DMD: variants seen among roughly 807,000 people sequenced by gnomAD.
The protein encoded by DMD is mutant dystrophin.
DMD carries 63 observed loss-of-function variants against 330.1 expected under a neutral mutation model. That is an observed-to-expected ratio of 0.19 (90% CI 0.16 to 0.24). DMD has a LOEUF of 0.24. Ranked by LOEUF, DMD falls within the 10% of genes least tolerant of loss-of-function variation. DMD has a pLI of 1.00. For synonymous variants in DMD, 1,223 were observed against 959.8 expected (o/e 1.27, Z -5.07); for missense variants, 3,344 against 2,684.1 (o/e 1.25, Z -5.43).
chrX:32,791,941 C>T (rs976851226), intron 7 of DMD, among the ~76,000 whole-genome samples: 2 of 111,567 alleles, frequency 1.8e-5, no homozygotes, highest in Non-Finnish European at 3.8e-5. Flanking sequence ...ACATTATAGC[C>T]AAACTCTCAA....
At chrX:33,264,559 G>A (rs1174795643) in intron 1 of DMD, among the ~76,000 whole-genome samples, 1 of 111,115 alleles carries the variant, frequency 9.0e-6, no homozygotes, top group Non-Finnish European at 1.9e-5. Flanking sequence ...CCTAGGATTA[G>A]AATGTTAAGC....
At chrX:33,267,449 C>T (rs2148909567) in intron 1 of DMD, among the ~76,000 whole-genome samples, 1 of 111,006 alleles carries the variant, frequency 9.0e-6, no homozygotes, top group South Asian at 3.7e-4. Flanking sequence ...AGATTCAATG[C>T]TGTCCTTATC....
chrX:32,180,591 G>A (rs1362248821), intron 44 of DMD, among the ~76,000 whole-genome samples: 2 of 111,141 alleles, frequency 1.8e-5, no homozygotes, highest in African/African-American at 6.5e-5. Flanking sequence ...TGAGAGACAC[G>A]TCTCTATTAG....
intron 7 of DMD, among the ~76,000 whole-genome samples, chrX:32,763,151 CTT>C (rs1446885279): frequency 1.8e-5 from 2 of 111,541 alleles, no homozygotes; most frequent in East Asian, 5.6e-4. Flanking sequence ...AGAAATGACT[CTT>C]GACATCTTTG....
At position 33,254,480 on chromosome X, in the gene DMD, T is replaced by C. The variant is rs2052822965; in HGVS notation, c.7+84779A>G. Reference sequence around the variant, plus strand: ...TTTTGAATGTGTCTTAGAAAAAAAATTTTCACTTGCGACCTTAGGCTTTTC... The same window carrying C: ...TTTTGAATGTGTCTTAGAAAAAAAACTTTCACTTGCGACCTTAGGCTTTTC... On this transcript the variant is annotated intron_variant, in intron 1 of 17. Coordinates refer to the DMD transcript ENST00000288447. Among the ~76,000 whole-genome samples the C allele has an allele frequency of 3.6e-5, 4 of 110,288 alleles. No homozygotes were observed. The Admixed American group carries it at 3.9e-4, about 11-fold the overall frequency.
intron 45 of DMD, among the ~76,000 whole-genome samples, chrX:31,938,272 C>T (rs1327539251): frequency 9.0e-6 from 1 of 111,195 alleles, no homozygotes; most frequent in South Asian, 3.8e-4. Flanking sequence ...AATGAAGAAA[C>T]TGAAGTTCTA....
At chrX:31,786,137 G>A (rs1270515753) in intron 50 of DMD, among the ~76,000 whole-genome samples, 2 of 111,529 alleles carry the variant, frequency 1.8e-5, no homozygotes, top group East Asian at 5.7e-4. Context: ...TTTAATGATC[G>A]CCTTTCTAAC....
intron 1 of DMD, among the ~76,000 whole-genome samples, chrX:33,129,453 G>A (rs1437531487): frequency 2.0e-4 from 20 of 98,808 alleles, no homozygotes; most frequent in African/African-American, 7.6e-4. Context: ...CATTGCCACT[G>A]ATATTTTTAA....
chrX:31,399,033 C>T (rs750931922), intron 60 of DMD, among the ~76,000 whole-genome samples: 28 of 111,229 alleles, frequency 2.5e-4, no homozygotes, highest in African/African-American at 4.9e-4. Flanking sequence ...AGTGTTACAG[C>T]GCCCTTTTAG....
intron 45 of DMD, among the ~76,000 whole-genome samples, chrX:31,953,094 A>G (rs754845574): frequency 9.8e-5 from 11 of 112,624 alleles, no homozygotes; most frequent in Non-Finnish European, 1.9e-4. Context: ...TAAAGGGTAT[A>G]TTCAACATGC....
intron 29 of DMD, among the ~76,000 whole-genome samples, chrX:32,421,573 T>A (rs937795378): frequency 8.9e-6 from 1 of 111,779 alleles, no homozygotes; most frequent in Non-Finnish European, 1.9e-5. Context: ...TGCATTACAA[T>A]CGATTCCTTG....
At chrX:32,731,344 C>T (rs369910712) in intron 7 of DMD, among the ~76,000 whole-genome samples, 5 of 112,498 alleles carry the variant, frequency 4.4e-5, no homozygotes, top group East Asian at 5.7e-4. Flanking sequence ...GAGGGGCACC[C>T]GCCATTGCCT....
At chrX:33,230,236 T>G (rs892918667) in intron 1 of DMD, among the ~76,000 whole-genome samples, 1 of 111,754 alleles carries the variant, frequency 8.9e-6, no homozygotes, top group African/African-American at 3.2e-5. Context: ...TTTAATTACA[T>G]TAAAGTCATG....
At chrX:32,685,704 A>G (rs920088435) in intron 9 of DMD, among the ~76,000 whole-genome samples, 3 of 111,832 alleles carry the variant, frequency 2.7e-5, no homozygotes, top group Non-Finnish European at 5.6e-5. Context: ...GCTACACATA[A>G]AAGAGGAACA....
chrX:32,344,070 T>C (rs1286877688), intron 39 of DMD, among the ~76,000 whole-genome samples: 1 of 111,913 alleles, frequency 8.9e-6, no homozygotes, highest in African/African-American at 3.2e-5. Context: ...AAATCAACAA[T>C]GGGAGGAAAT....
In DMD at chrX:33,005,196, T is replaced by A. The variant is rs181562490; in HGVS notation, c.93+14943A>T. The stretch of plus-strand genomic sequence containing the variant: ...GGAGGTAGCTGTAGTACTCATATGG[T>A]TTTCCTGTCTTTATCCAGAATGCAT... On this transcript the variant is annotated intron_variant, in intron 2 of 78. Coordinates refer to ENST00000357033, the MANE Select transcript of DMD (RefSeq NM_004006.3). Among the ~76,000 whole-genome samples, 481 of 108,671 alleles carry A rather than the reference T, an allele frequency of 4.4e-3. 1 individual carries two copies. Among genetic ancestry groups the A allele is most frequent in the African/African-American group, 0.015 (441 of 30,000 alleles). The allele number at this position is 108,671 out of a possible 115,157, so 94.4% of individuals were successfully genotyped here. A position where few individuals can be genotyped will look rare whatever the true frequency, so the allele number is the denominator to read the frequency against.
Position 32,545,166 on chromosome X carries a change from T to A in DMD, c.2161A>T (p.Arg721Trp). 1.7e-6 allele frequency: 2 copies of A among 1,210,642 alleles called. No homozygotes were observed. The highest frequency in any genetic ancestry group is 2.2e-6 in the Non-Finnish European group (2 of 894,524). Residue 721 changes from arginine (R) to tryptophan (W), a missense_variant, in exon 17 of 79, where the codon AGG (arginine) becomes TGG (tryptophan). Physicochemically the swap from Arg to Trp is moderately radical, Grantham distance 101. Coordinates refer to ENST00000357033, the MANE Select transcript of DMD (RefSeq NM_004006.3). ...AGCTTAAGATGCTCTCACCTTTTCC[T>A]AATTTCAGAATCCACAGTAATCTGC... ...KRQITVDSEIRKRLDVDITEL... is the reference protein window; with the variant it reads ...KRQITVDSEIWKRLDVDITEL...
chrX:31,924,228 C>T (rs2094736129), intron 47 of DMD, among the ~76,000 whole-genome samples: 1 of 111,760 alleles, frequency 8.9e-6, no homozygotes, highest in Admixed American at 9.5e-5. Flanking sequence ...ATCTATTAAT[C>T]GTCATCTTGT....
intron 9 of DMD, among the ~76,000 whole-genome samples, chrX:32,666,827 C>CA (rs59974295): frequency 0.016 from 1,317 of 83,829 alleles, 15 homozygotes; most frequent in African/African-American, 0.032. Context: ...AATCTGTCTC[C>CA]AAAAAAAAAA....
Sources: gnomAD v4.1 joint callset for allele counts (sites outside exome capture counted in the v4.1 genomes callset) on GRCh38, gnomAD v4.1.1 for gene constraint, MANE v1.5 for transcripts, NCBI Gene and HGNC (gene_info 2026-07-23, HGNC 2026-07-21) for gene names.